The following EML6 variants were observed in gnomAD, a reference collection of about 807,000 sequenced individuals.
EML6 encodes the protein echinoderm microtubule-associated protein-like 6.
Under a neutral mutation model 240.1 loss-of-function variants are expected in EML6, and 154 were observed. The ratio of observed to expected loss-of-function variants is 0.64; its 90% CI spans 0.56 to 0.73. The LOEUF (loss-of-function observed/expected upper bound fraction) is 0.73. Among genes scored for constraint, EML6 ranks in the 30% least tolerant of loss-of-function variants. The pLI, the probability that EML6 is intolerant of heterozygous loss-of-function variation, is 0.00. For synonymous variants in EML6, 1,148 were observed against 899.0 expected, an observed-to-expected ratio of 1.28 and a Z score of -4.95; for missense variants, 2,964 against 2,474.6, an observed-to-expected ratio of 1.20 and a Z score of -4.20.
At chr2:54,889,857 G>A (rs6707572) in intron 17 of EML6, among the ~76,000 whole-genome samples, 3,320 of 152,246 alleles carry the variant, frequency 0.022, 111 homozygotes, top group African/African-American at 0.072. Flanking sequence ...TTAAGTAACA[G>A]TCCTTGGAGT....
intron 26 of EML6, among the ~76,000 whole-genome samples, chr2:54,925,539 C>A (rs1674497722): frequency 6.6e-6 from 1 of 152,154 alleles, no homozygotes; most frequent in Non-Finnish European, 1.5e-5. Context: ...CTCTTTTTCT[C>A]ATTCTACTTT....
At chr2:54,873,505 CTG>C (rs1029905177) in intron 16 of EML6, among the ~76,000 whole-genome samples, 3 of 152,098 alleles carry the variant, frequency 2.0e-5, no homozygotes, top group Admixed American at 6.5e-5. Context: ...AATAGGTGTG[CTG>C]TGTGTCACTG....
intron 26 of EML6, among the ~76,000 whole-genome samples, chr2:54,921,330 C>CA (rs1372144692): frequency 6.6e-6 from 1 of 152,026 alleles, no homozygotes; most frequent in Non-Finnish European, 1.5e-5. Flanking sequence ...AAAACTGTAT[C>CA]ATCAAGACAA....
chr2:54,953,528 C>T (rs568000584), intron 31 of EML6, among the ~76,000 whole-genome samples: 7 of 152,262 alleles, frequency 4.6e-5, no homozygotes, highest in South Asian at 4.1e-4. Flanking sequence ...AGTCTTTCTC[C>T]TCTGGCCAGG....
At chr2:54,795,742 A>G (rs1321269178) in intron 2 of EML6, among the ~76,000 whole-genome samples, 4 of 152,226 alleles carry the variant, frequency 2.6e-5, no homozygotes, top group Non-Finnish European at 5.9e-5. Context: ...AGCCCCTAGC[A>G]TAATATGTGA....
chr2:54,858,040 C>T (rs1230020751), intron 11 of EML6, among the ~76,000 whole-genome samples: 1 of 152,184 alleles, frequency 6.6e-6, no homozygotes, highest in Non-Finnish European at 1.5e-5. Context: ...TTCTGGGAGT[C>T]AAGGAGTCCC....
intron 9 of EML6, among the ~76,000 whole-genome samples, chr2:54,849,123 A>G (rs1558609609): frequency 6.6e-6 from 1 of 152,242 alleles, no homozygotes; most frequent in Non-Finnish European, 1.5e-5. Flanking sequence ...GCAAATGTGC[A>G]TTTCTTTTTA....
intron 19 of EML6, among the ~76,000 whole-genome samples, 178 bp downstream of exon 19, chr2:54,892,834 T>G (rs1672548234): frequency 6.6e-6 from 1 of 152,226 alleles, no homozygotes. Flanking sequence ...TTTTATAATT[T>G]CGTTTACAGT....
intron 2 of EML6, among the ~76,000 whole-genome samples, chr2:54,765,268 C>G (rs1668135502): frequency 1.3e-5 from 2 of 152,046 alleles, no homozygotes; most frequent in Non-Finnish European, 2.9e-5. Context: ...AAGAGAAATG[C>G]TGATCTTATA....
intron 28 of EML6, among the ~76,000 whole-genome samples, chr2:54,943,884 T>A (rs1261194461): frequency 6.6e-6 from 1 of 152,248 alleles, no homozygotes; most frequent in Non-Finnish European, 1.5e-5. Context: ...TATAGCACAA[T>A]TCAAACTTTT....
In EML6 at chr2:54,894,974, A is replaced by G. The variant is rs763486485; in HGVS notation, c.2802A>G (p.Arg934=). ...AGCTCTGGGATGATATGTTTGAAAGATGTTTGAAGACTTATGCCATTAAAA... is the reference window on the plus strand; with the variant it reads ...AGCTCTGGGATGATATGTTTGAAAGGTGTTTGAAGACTTATGCCATTAAAA... ...IVELWDDMFE[R]CLKTYAIKRS... Residue 934 remains arginine (R), a synonymous_variant, in exon 20 of 42, where the codon AGA becomes AGG. Coordinates refer to ENST00000356458, the MANE Select transcript of EML6 (RefSeq NM_001039753.4). The G allele has an allele frequency of 3.9e-6, 6 of 1,551,538 alleles. No individual in the cohort carries two copies. Among genetic ancestry groups the G allele is most frequent in the South Asian group, 2.4e-5 (2 of 84,054 alleles).
intron 26 of EML6, among the ~76,000 whole-genome samples, chr2:54,919,414 C>T: frequency 6.6e-6 from 1 of 152,158 alleles, no homozygotes; most frequent in South Asian, 2.1e-4. Flanking sequence ...ACTTTGGTTA[C>T]TTTGGACACT....
intron 19 of EML6, among the ~76,000 whole-genome samples, chr2:54,894,307 C>T (rs1052705826): frequency 1.3e-5 from 2 of 151,712 alleles, no homozygotes; most frequent in African/African-American, 4.8e-5. Flanking sequence ...GAATAAAGAT[C>T]ACTGTTCAGT....
At chr2:54,843,269 GA>G (rs562406711) in intron 7 of EML6, among the ~76,000 whole-genome samples, 3 of 151,696 alleles carry the variant, frequency 2.0e-5, no homozygotes, top group African/African-American at 2.4e-5. Context: ...TCTCTAGAAA[GA>G]AAAAAAACTA....
intron 41 of EML6, among the ~76,000 whole-genome samples, chr2:54,968,999 C>T (rs1400748970): frequency 1.3e-5 from 2 of 152,128 alleles, no homozygotes; most frequent in African/African-American, 2.4e-5. Flanking sequence ...CCTGGGATGG[C>T]ATGGGCATGT....
chr2:54,726,270 G>A (rs144986226), intron 2 of EML6, among the ~76,000 whole-genome samples: 1 of 152,332 alleles, frequency 6.6e-6, no homozygotes, highest in African/African-American at 2.4e-5. Flanking sequence ...TTTCATTGAT[G>A]TAGAACAACT....
chr2:54,741,968 T>C, intron 2 of EML6, among the ~76,000 whole-genome samples: 1 of 152,208 alleles, frequency 6.6e-6, no homozygotes, highest in East Asian at 1.9e-4. Flanking sequence ...CACCACCAGA[T>C]AGTTAATATT....
chr2:54,823,878 T>TCTCTCTCTCTCTCTCTCTCTCTCTC (rs60937620), intron 5 of EML6, among the ~76,000 whole-genome samples: 1,367 of 129,150 alleles, frequency 0.011, 125 homozygotes, highest in South Asian at 0.017. Context: ...CTCTCTCTCT[T>TCTCTCTCTCTCTCTCTCTCTCTCTC]TCTGTCTCTC....
chr2:54,783,052 C>T (rs1668919922), intron 2 of EML6, among the ~76,000 whole-genome samples: 1 of 152,136 alleles, frequency 6.6e-6, no homozygotes, highest in South Asian at 2.1e-4. Context: ...GTGGAATATT[C>T]TACGTGGTAG....
Sources: gnomAD v4.1 joint callset for allele counts (sites outside exome capture counted in the v4.1 genomes callset) on GRCh38, gnomAD v4.1.1 for gene constraint, MANE v1.5 for transcripts, NCBI Gene and HGNC (gene_info 2026-07-23, HGNC 2026-07-21) for gene names.